The following CARMIL1 variants were observed in gnomAD, a reference collection of about 807,000 sequenced individuals.
CARMIL1 encodes the protein capping protein regulator and myosin 1 linker 1, also known as F-actin-uncapping protein LRRC16A.
A neutral mutation model predicts 177.1 loss-of-function variants in CARMIL1; 90 were observed. The ratio of observed to expected loss-of-function variants is 0.51; its 90% CI spans 0.43 to 0.61. CARMIL1 has a LOEUF of 0.61. CARMIL1 is among the 20% of genes least tolerant of loss of function. The pLI is 0.00. For missense variants in CARMIL1, 1,380 were observed against 1,667.0 expected, an observed-to-expected ratio of 0.83 and a Z score of 3.00; for synonymous variants, 577 against 606.2, an observed-to-expected ratio of 0.95 and a Z score of 0.71.
intron 2 of CARMIL1, among the ~76,000 whole-genome samples, chr6:25,351,917 A>G (rs1439557745): frequency 6.6e-6 from 1 of 152,144 alleles, no homozygotes; most frequent in Non-Finnish European, 1.5e-5. Flanking sequence ...TGCCCCCAAA[A>G]TCAGGAAACG....
chr6:25,482,425 A>C, intron 12 of CARMIL1, 82 bp downstream of exon 12: 2 of 615,194 alleles, frequency 3.3e-6, no homozygotes, highest in Non-Finnish European at 5.6e-6. Context: ...TATTTGTTAC[A>C]TTTAAAAATA....
intron 31 of CARMIL1, among the ~76,000 whole-genome samples, chr6:25,593,475 G>A (rs771808324): frequency 2.6e-5 from 4 of 152,124 alleles, no homozygotes; most frequent in Non-Finnish European, 4.4e-5. Flanking sequence ...TGTATTATTA[G>A]TTGGAAAGTA....
At chr6:25,567,503 C>T in intron 29 of CARMIL1, among the ~76,000 whole-genome samples, 1 of 152,176 alleles carries the variant, frequency 6.6e-6, no homozygotes, top group East Asian at 1.9e-4. Context: ...CACATGTGAT[C>T]CTTCCAAATT....
intron 17 of CARMIL1, among the ~76,000 whole-genome samples, chr6:25,502,841 T>C (rs530675294): frequency 6.6e-6 from 1 of 152,318 alleles, no homozygotes; most frequent in East Asian, 1.9e-4. Context: ...CTAATAGTAA[T>C]ATTGACTGTG....
intron 5 of CARMIL1, among the ~76,000 whole-genome samples, chr6:25,448,900 C>T (rs1372035672): frequency 6.7e-6 from 1 of 150,310 alleles, no homozygotes; most frequent in Non-Finnish European, 1.5e-5. Flanking sequence ...GACATTACCA[C>T]ACACCAGGGA....
chr6:25,423,689 T>A (rs181848994), intron 3 of CARMIL1, among the ~76,000 whole-genome samples: 32 of 152,132 alleles, frequency 2.1e-4, no homozygotes, highest in African/African-American at 7.0e-4. Context: ...CTGTTGCTTG[T>A]GGGATGGGCA....
At chr6:25,378,660 G>A (rs1178252481) in intron 2 of CARMIL1, among the ~76,000 whole-genome samples, 1 of 152,118 alleles carries the variant, frequency 6.6e-6, no homozygotes, top group Non-Finnish European at 1.5e-5. Context: ...AGGGTTGAGG[G>A]CTTCCCTTGT....
At chr6:25,420,412 T>C (rs1795751016) in intron 3 of CARMIL1, 2 of 456,514 alleles carry the variant, frequency 4.4e-6, no homozygotes, top group Admixed American at 7.5e-5. Context: ...TTTTTACTCC[T>C]TTGTTCCCTC....
At chr6:25,470,817 A>G (rs1406081895) in intron 9 of CARMIL1, among the ~76,000 whole-genome samples, 2 of 152,182 alleles carry the variant, frequency 1.3e-5, no homozygotes, top group Non-Finnish European at 2.9e-5. Flanking sequence ...CCCCACCATC[A>G]TGACCTAGTC....
intron 11 of CARMIL1, among the ~76,000 whole-genome samples, chr6:25,475,858 C>T (rs1801532595): frequency 6.6e-6 from 1 of 152,208 alleles, no homozygotes; most frequent in African/African-American, 2.4e-5. Flanking sequence ...GTCTTGCCCT[C>T]ACTTTGGAGC....
chr6:25,589,669 G>A (rs576342405), intron 31 of CARMIL1, among the ~76,000 whole-genome samples: 4 of 152,006 alleles, frequency 2.6e-5, no homozygotes, highest in Non-Finnish European at 4.4e-5. Flanking sequence ...TGTGTTTTTT[G>A]TAGAGACAGG....
rs141466391 is a variant in CARMIL1, at chr6:25,332,420, A to G, written c.138+47511A>G. ...AATAGTGGCTTGGGTGAGTGTTTGC[A>G]GTGAAGGTGTAGAGAAGTGGGTGAG... On this transcript the variant is annotated intron_variant, in intron 2 of 36. Transcript: ENST00000329474. Among the ~76,000 whole-genome samples, 62 of 152,272 alleles carry G rather than the reference A, an allele frequency of 4.1e-4. No homozygotes were observed. The East Asian group carries it at 0.012, about 28-fold the overall frequency.
intron 2 of CARMIL1, among the ~76,000 whole-genome samples, chr6:25,321,897 A>G (rs1369269075): frequency 1.3e-5 from 2 of 151,954 alleles, no homozygotes; most frequent in Non-Finnish European, 2.9e-5. Flanking sequence ...TGACCTCATG[A>G]TCCGCCTGCC....
intron 2 of CARMIL1, among the ~76,000 whole-genome samples, chr6:25,372,939 A>T (rs1323518160): frequency 1.3e-5 from 2 of 152,086 alleles, no homozygotes; most frequent in Non-Finnish European, 2.9e-5. Flanking sequence ...TTTGTTGAGA[A>T]TTTTTATCAT....
At chr6:25,298,858 G>A (rs1395603609) in intron 2 of CARMIL1, among the ~76,000 whole-genome samples, 1 of 151,532 alleles carries the variant, frequency 6.6e-6, no homozygotes, top group Non-Finnish European at 1.5e-5. Flanking sequence ...GGGTTCAAGC[G>A]ATTCTCCTGC....
intron 2 of CARMIL1, among the ~76,000 whole-genome samples, chr6:25,374,637 A>G (rs1257120509): frequency 2.6e-5 from 4 of 152,100 alleles, no homozygotes; most frequent in African/African-American, 9.7e-5. Context: ...AGTCTGCACT[A>G]TTATTGTGTT....
At chr6:25,319,369 ATAATT>A (rs993070551) in intron 2 of CARMIL1, among the ~76,000 whole-genome samples, 4 of 152,024 alleles carry the variant, frequency 2.6e-5, no homozygotes, top group South Asian at 2.1e-4. Flanking sequence ...TTTTAGGAAA[ATAATT>A]TAGGTAAGGT....
chr6:25,310,018 T>TCTGCCTCCCA (rs1783656451), intron 2 of CARMIL1, among the ~76,000 whole-genome samples: 1 of 152,132 alleles, frequency 6.6e-6, no homozygotes, highest in Admixed American at 6.5e-5. Context: ...TCCACCCGCC[T>TCTGCCTCCCA]CTGCCTCCCA....
intron 2 of CARMIL1, among the ~76,000 whole-genome samples, chr6:25,308,377 AT>A (rs35167760): frequency 0.047 from 5,589 of 118,760 alleles, 64 homozygotes; most frequent in African/African-American, 0.074. Flanking sequence ...TTGTACAACC[AT>A]TTTTTTTTTT....
Sources: allele counts gnomAD v4.1 joint callset (sites outside exome capture counted in the v4.1 genomes callset), GRCh38; gene constraint gnomAD v4.1.1; transcripts MANE v1.5; gene names NCBI Gene and HGNC (gene_info 2026-07-23, HGNC 2026-07-21).